HTT: variants seen among roughly 807,000 people sequenced by gnomAD.
The protein encoded by HTT is huntington disease protein.
Under a neutral mutation model 362.3 loss-of-function variants are expected in HTT, and 104 were observed. The observed-to-expected ratio is 0.29, with a 90% confidence interval of 0.24 to 0.34. HTT has a LOEUF of 0.34. HTT is among the 10% of genes least tolerant of loss of function. HTT has a pLI of 1.00. For synonymous variants in HTT, 1,577 were observed against 1,548.7 expected (o/e 1.02, Z -0.43); for missense variants, 3,301 against 3,928.6 (o/e 0.84, Z 4.27).
chr4:3,140,636 C>A lies in HTT; in HGVS notation c.2925C>A (p.Phe975Leu). 1 of 1,614,126 alleles carries A rather than the reference C, an allele frequency of 6.2e-7. No homozygotes were observed. Among genetic ancestry groups the A allele is most frequent in the Non-Finnish European group, 8.5e-7 (1 of 1,179,964 alleles). The change falls in exon 22 of 67, where the codon TTC (phenylalanine) becomes TTA (leucine). Residue 975 changes from phenylalanine to leucine, a missense_variant. Phe to Leu is a conservative substitution (Grantham distance 22, BLOSUM62 0). Coordinates refer to ENST00000355072, the MANE Select transcript of HTT (RefSeq NM_001388492.1). ...LMHETQPPSH[F>L]SVSTITRIYR... ...ATGAGACGCAGCCTCCATCTCATTT[C>A]TCCGTCAGCACAATAACCAGGTATG...
chr4:3,108,755 A>G (rs1714568099), intron 6 of HTT, among the ~76,000 whole-genome samples: 1 of 152,088 alleles, frequency 6.6e-6, no homozygotes, highest in African/African-American at 2.4e-5. Context: ...ATTCAAATTT[A>G]TTATCAAGAG....
At chr4:3,160,180 T>C in intron 28 of HTT, 102 bp from the exon 29 acceptor site, 1 of 746,900 alleles carries the variant, frequency 1.3e-6, no homozygotes. Context: ...CGCCGCACAG[T>C]GGAGGCATCT....
chr4:3,237,657 G>C (rs1313441721), intron 64 of HTT, among the ~76,000 whole-genome samples: 1 of 152,204 alleles, frequency 6.6e-6, no homozygotes, highest in Non-Finnish European at 1.5e-5. Context: ...CCATGCCACT[G>C]CTGGGCGAGG....
At position 3,228,386 on chromosome 4, in the gene HTT, C is replaced by G. The variant is rs1721024158; in HGVS notation, c.7849-229C>G. ...CTCAGCTGCTCCTGGGGTTGACTGG[C>G]CCCTGATTCATGCCTTTAGCATGTG... On this transcript the variant is annotated intron_variant, in intron 57 of 66. Coordinates refer to ENST00000355072, the MANE Select transcript of HTT (RefSeq NM_001388492.1). This position sits in a 1 kb window ranked among gnomAD's most constrained non-coding sequence, Gnocchi z 4.3. Among the ~76,000 whole-genome samples, 2 of 152,198 alleles carry G rather than the reference C, an allele frequency of 1.3e-5. No individual in the cohort carries two copies. Among genetic ancestry groups the G allele is most frequent in the South Asian group, 2.1e-4 (1 of 4,826 alleles).
chr4:3,088,964 C>G (rs1251705826), intron 2 of HTT, among the ~76,000 whole-genome samples: 3 of 151,988 alleles, frequency 2.0e-5, no homozygotes, highest in Non-Finnish European at 4.4e-5. Context: ...TATAAAAATT[C>G]TAAGTTAGCA....
At chr4:3,203,042 A>C (rs1259012057) in intron 41 of HTT, 1 of 152,206 alleles carries the variant, frequency 6.6e-6, no homozygotes, top group Non-Finnish European at 1.5e-5. Context: ...CGCGGTGTGC[A>C]GCCTTCTGAG....
chr4:3,128,589 A>G (rs1715632986), intron 12 of HTT: 1 of 152,208 alleles, frequency 6.6e-6, no homozygotes. Flanking sequence ...TTATTTTAAG[A>G]ACTTTTGACT....
chr4:3,203,453 G>A (rs535734492), intron 41 of HTT, among the ~76,000 whole-genome samples: 5 of 152,258 alleles, frequency 3.3e-5, no homozygotes, highest in African/African-American at 7.2e-5. Context: ...TAATTCCCAC[G>A]TATTCAAAAA....
intron 37 of HTT, 41 bp from the exon 38 acceptor site, chr4:3,186,556 T>G: frequency 6.2e-7 from 1 of 1,602,582 alleles, no homozygotes; most frequent in Non-Finnish European, 8.5e-7. Context: ...TGTCGTTTCT[T>G]TTGGCTTACG....
At chr4:3,110,475 C>T (rs2110166716) in intron 6 of HTT, among the ~76,000 whole-genome samples, 1 of 152,292 alleles carries the variant, frequency 6.6e-6, no homozygotes, top group African/African-American at 2.4e-5. Context: ...TGCCATTAGC[C>T]TGGAATTTCC....
At position 3,206,658 on chromosome 4, in the gene HTT, T is replaced by C; in HGVS notation, c.5881T>C (p.Cys1961Arg). The C allele has an allele frequency of 6.2e-7, 1 of 1,614,204 alleles. No homozygotes were observed. Among genetic ancestry groups the C allele is most frequent in the Non-Finnish European group, 8.5e-7 (1 of 1,180,028 alleles). ...GLFIQAIQSR[C>R]ENLSTPTMLK... ...GTTCATCCAGGCAATTCAGTCTCGT[T>C]GTGAAAACCTTTCAACTGTACGTCT... The change falls in exon 43 of 67, where the codon TGT becomes CGT. Residue 1961 changes from cysteine (C) to arginine (R), a missense_variant. Around this residue, in one of 4 missense-constraint regions of HTT, gnomAD observed 2,316 missense variants for 2,658.5 expected, o/e 0.87. Coordinates refer to ENST00000355072, the MANE Select transcript of HTT (RefSeq NM_001388492.1). This position sits in a 1 kb window ranked among gnomAD's most constrained non-coding sequence, Gnocchi z 4.6.
At chr4:3,219,567 CT>C (rs1180907103) in intron 52 of HTT, among the ~76,000 whole-genome samples, 21 of 152,296 alleles carry the variant, frequency 1.4e-4, no homozygotes, top group African/African-American at 5.1e-4. Flanking sequence ...ATAGAGCCCC[CT>C]CTGCCTTTGT....
At chr4:3,211,879 G>A (rs1720176244) in intron 47 of HTT, 50 bp from the exon 48 acceptor site, 1 of 1,323,470 alleles carries the variant, frequency 7.6e-7, no homozygotes, top group Non-Finnish European at 1.1e-6. Context: ...CTGATTGAAA[G>A]CTCATAATCT....
intron 40 of HTT, among the ~76,000 whole-genome samples, chr4:3,197,046 GTC>G (rs1719287435): frequency 2.0e-5 from 3 of 152,102 alleles, no homozygotes; most frequent in African/African-American, 7.2e-5. Context: ...TTCTTTCTAG[GTC>G]TCTCTCATCC....
intron 31 of HTT, among the ~76,000 whole-genome samples, chr4:3,174,217 A>G (rs775658773): frequency 1.8e-4 from 27 of 152,198 alleles, no homozygotes; most frequent in Non-Finnish European, 3.2e-4. Context: ...TTGGAGTTTC[A>G]GGAGTAAGTC....
Position 3,154,315 on chromosome 4 carries a change from A to AC in HTT, c.3527dup (p.Ser1177PhefsTer29), listed in dbSNP as rs1457514406. ...TAGGCAGCCTTGCCTTCTCTAACAA[A>AC]CCCCCCTTCTCTAAGTCCCATCCGA... On this transcript the variant is annotated frameshift_variant, in exon 27 of 67. Coordinates refer to ENST00000355072, the MANE Select transcript of HTT (RefSeq NM_001388492.1). LOFTEE classifies it high-confidence loss of function. 2.5e-6 allele frequency: 4 copies of AC among 1,601,566 alleles called. No individual in the cohort carries two copies. Among genetic ancestry groups the AC allele is most frequent in the Non-Finnish European group, 3.4e-6 (4 of 1,173,840 alleles).
At position 3,106,080 on chromosome 4, in the gene HTT, T is replaced by C. The variant is rs1331227995; in HGVS notation, c.608+644T>C. Among the ~76,000 whole-genome samples, 3 of 152,270 alleles carry C rather than the reference T, an allele frequency of 2.0e-5. No individual in the cohort carries two copies. In the East Asian group the frequency reaches 5.8e-4, roughly 29 times the overall value. ...AATATGAACTGAGTTTCAATAAGAA[T>C]CTTATATGGGTCGGGCATAGTGGCT... On this transcript the variant is annotated intron_variant, in intron 5 of 66. Transcript: ENST00000355072.
chr4:3,231,507 T>C (rs1203597939), intron 60 of HTT, among the ~76,000 whole-genome samples: 1 of 152,176 alleles, frequency 6.6e-6, no homozygotes, highest in African/African-American at 2.4e-5. Flanking sequence ...GGTGAGCACA[T>C]GTCCGTGACC....
chr4:3,173,192 C>T, intron 31 of HTT, 61 bp downstream of exon 31: 4 of 1,393,954 alleles, frequency 2.9e-6, no homozygotes, highest in South Asian at 1.2e-5. Context: ...GCAGGAAATA[C>T]TTTGTAAAAG....
Sources: allele counts gnomAD v4.1 joint callset (sites outside exome capture counted in the v4.1 genomes callset), GRCh38; gene constraint gnomAD v4.1.1; regional missense constraint gnomAD v4.1.1; non-coding constraint Gnocchi (gnomAD v3.1); transcripts MANE v1.5; gene names NCBI Gene and HGNC (gene_info 2026-07-23, HGNC 2026-07-21).